The following NEBL variants were observed in gnomAD, a reference collection of about 807,000 sequenced individuals.
NEBL encodes LIM and SH3 protein 2.
A neutral mutation model predicts 140.2 loss-of-function variants in NEBL; 122 were observed. That is an observed-to-expected ratio of 0.87 (90% CI 0.75 to 1.01). NEBL has a LOEUF of 1.01. NEBL is among the 50% of genes least tolerant of loss of function. The pLI is 0.00. For synonymous variants in NEBL, 436 were observed against 398.9 expected (o/e 1.09, Z -1.11); for missense variants, 1,365 against 1,231.3 (o/e 1.11, Z -1.62).
chr10:21,055,422 CT>C (rs1246743814), intron 2 of NEBL, among the ~76,000 whole-genome samples: 1 of 152,162 alleles, frequency 6.6e-6, no homozygotes, highest in Non-Finnish European at 1.5e-5. Flanking sequence ...AGCCACAGAT[CT>C]TTTAACTTTG....
At chr10:21,204,733 G>A (rs1841799092) in intron 3 of NEBL, among the ~76,000 whole-genome samples, 1 of 152,150 alleles carries the variant, frequency 6.6e-6, no homozygotes, top group Non-Finnish European at 1.5e-5. Context: ...CCTGCCTGGG[G>A]TGGGCAGAGC....
chr10:20,909,919 A>G (rs1284763826), intron 4 of NEBL, among the ~76,000 whole-genome samples: 1 of 152,216 alleles, frequency 6.6e-6, no homozygotes, highest in Non-Finnish European at 1.5e-5. Flanking sequence ...ATAGAATTAT[A>G]ATACTTGCCT....
intron 2 of NEBL, among the ~76,000 whole-genome samples, chr10:21,070,686 C>T (rs1463928551): frequency 6.6e-6 from 1 of 152,096 alleles, no homozygotes; most frequent in Non-Finnish European, 1.5e-5. Flanking sequence ...AATGCTTACC[C>T]ACAACAAGAC....
chr10:21,227,871 C>T lies in NEBL; in HGVS notation n.348+20050G>A, dbSNP rs75148799. 2.1e-3 allele frequency among the ~76,000 whole-genome samples: 307 copies of T among 149,576 alleles called. 4 individuals are homozygous for T. Among genetic ancestry groups the T allele is most frequent in the African/African-American group, 7.2e-3 (293 of 40,586 alleles). On this transcript the variant is annotated intron_variant and non_coding_transcript_variant, in intron 3 of 8. Coordinates refer to the NEBL transcript ENST00000675702. ...TCTTCTTTCTTCTTCTTCTTTTTAT[C>T]TCAGGATACCTTGAGAAAGAGCACT...
At chr10:21,100,436 TC>T (rs1431719959) in intron 2 of NEBL, among the ~76,000 whole-genome samples, 20 of 152,194 alleles carry the variant, frequency 1.3e-4, no homozygotes, top group Admixed American at 1.0e-3. Flanking sequence ...GCTGGAAGAA[TC>T]GATGTTGCTA....
chr10:21,033,644 G>A (rs1833886147), intron 2 of NEBL, among the ~76,000 whole-genome samples: 1 of 151,770 alleles, frequency 6.6e-6, no homozygotes, highest in Non-Finnish European at 1.5e-5. Flanking sequence ...GGAGGCTGAG[G>A]CAGGAGAATC....
intron 2 of NEBL, among the ~76,000 whole-genome samples, chr10:21,083,673 C>T (rs1440144819): frequency 5.9e-5 from 9 of 152,156 alleles, no homozygotes; most frequent in African/African-American, 1.7e-4. Context: ...GGCAAAATCC[C>T]GTCTCTACTA....
At chr10:21,040,861 C>T (rs1385009406) in intron 2 of NEBL, among the ~76,000 whole-genome samples, 1 of 152,244 alleles carries the variant, frequency 6.6e-6, no homozygotes, top group South Asian at 2.1e-4. Flanking sequence ...TAGCACCTTC[C>T]CCTTAGCCCT....
intron 2 of NEBL, among the ~76,000 whole-genome samples, chr10:21,141,239 T>C (rs1257989982): frequency 6.6e-6 from 1 of 152,204 alleles, no homozygotes; most frequent in Non-Finnish European, 1.5e-5. Flanking sequence ...ACGAGGTCTG[T>C]AGATTAGATA....
rs117988232 is a variant in NEBL, at chr10:21,049,231, C to T, written c.165-29030G>A. Among the ~76,000 whole-genome samples the T allele has an allele frequency of 9.3e-3, 1,410 of 152,240 alleles. 44 individuals are homozygous for T. In the East Asian group the frequency reaches 0.098, roughly 11 times the overall value. On this transcript the variant is annotated intron_variant, in intron 2 of 6. Coordinates refer to the NEBL transcript ENST00000417816. ...CAGGTGTTTGACCAAAGGCTGGGTACCATGGCCTAGCCAAGCTGACATATC... is the reference window on the plus strand; with the variant it reads ...CAGGTGTTTGACCAAAGGCTGGGTATCATGGCCTAGCCAAGCTGACATATC...
chr10:20,804,437 T>C (rs926741511), intron 26 of NEBL: 1 of 152,214 alleles, frequency 6.6e-6, no homozygotes, highest in Non-Finnish European at 1.5e-5. Context: ...AAGGTTCACA[T>C]GACTAACCCT....
chr10:21,124,458 A>G (rs906004479), intron 2 of NEBL, among the ~76,000 whole-genome samples: 3 of 152,168 alleles, frequency 2.0e-5, no homozygotes, highest in Non-Finnish European at 2.9e-5. Flanking sequence ...ATAAATGCTT[A>G]CAGAGTGGCA....
intron 2 of NEBL, among the ~76,000 whole-genome samples, chr10:21,052,800 C>T (rs1834834341): frequency 6.6e-6 from 1 of 152,134 alleles, no homozygotes; most frequent in African/African-American, 2.4e-5. Context: ...CTGGGAGGGC[C>T]ACCGGTGGTG....
At chr10:20,954,308 T>C (rs1203686447) in intron 4 of NEBL, among the ~76,000 whole-genome samples, 1 of 152,096 alleles carries the variant, frequency 6.6e-6, no homozygotes, top group African/African-American at 2.4e-5. Flanking sequence ...ATAAAAATAT[T>C]TGTTGACACA....
chr10:21,137,001 T>C (rs10828197), intron 2 of NEBL, among the ~76,000 whole-genome samples: 57,231 of 152,004 alleles, frequency 0.38, 11,536 homozygotes, highest in African/African-American at 0.52. Flanking sequence ...CTGACTGGCA[T>C]AGCATTTTCT....
intron 4 of NEBL, among the ~76,000 whole-genome samples, chr10:20,927,804 C>T (rs1428915471): frequency 6.6e-6 from 1 of 152,116 alleles, no homozygotes; most frequent in South Asian, 2.1e-4. Flanking sequence ...CTCTCTGAGG[C>T]TATGTTTCCT....
intron 3 of NEBL, among the ~76,000 whole-genome samples, chr10:21,016,457 A>C (rs1838560679): frequency 6.6e-6 from 1 of 152,244 alleles, no homozygotes; most frequent in Non-Finnish European, 1.5e-5. Flanking sequence ...GGAAATAAAA[A>C]GAAAAGAGAA....
At chr10:20,797,610 G>A (rs2131675453) in intron 26 of NEBL, among the ~76,000 whole-genome samples, 1 of 152,278 alleles carries the variant, frequency 6.6e-6, no homozygotes, top group South Asian at 2.1e-4. Flanking sequence ...CTGCGTCTCA[G>A]AGGGCCCAAA....
rs45516994 is a variant in NEBL, at chr10:20,869,314, A to G, written c.582+426T>C. 7.7e-3 allele frequency among the ~76,000 whole-genome samples: 1,175 copies of G among 152,288 alleles called. 9 individuals are homozygous for G. The highest frequency in any genetic ancestry group is 0.013 in the Non-Finnish European group (895 of 68,012). ...AGAGAAGGTAAGAAACAGTTACGCC[A>G]TGTAGGAAGTGGACAAAGGTAAGTG... On this transcript the variant is annotated intron_variant, in intron 6 of 27. Coordinates refer to ENST00000377122, the MANE Select transcript of NEBL (RefSeq NM_006393.3).
Sources: allele counts gnomAD v4.1 joint callset (sites outside exome capture counted in the v4.1 genomes callset), GRCh38; gene constraint gnomAD v4.1.1; transcripts MANE v1.5; gene names NCBI Gene and HGNC (gene_info 2026-07-23, HGNC 2026-07-21).